Variants in INTS1 observed in about 807,000 individuals in gnomAD.
INTS1 encodes integrator complex subunit 1.
In INTS1, 137 loss-of-function variants were observed where a neutral mutation model predicts 241.6. The observed-to-expected ratio is 0.57, with a 90% CI of 0.49 to 0.65. INTS1 has a LOEUF of 0.65. Ranked by LOEUF, INTS1 falls within the 30% of genes least tolerant of loss-of-function variation. INTS1 has a pLI of 0.00. For missense variants in INTS1, 3,073 were observed against 3,032.2 expected (o/e 1.01, Z -0.32); for synonymous variants, 1,692 against 1,337.8 (o/e 1.26, Z -5.78).
Position 1,499,444 on chromosome 7 carries a change from C to CCAG in INTS1, c.844+28_844+29insCTG, listed in dbSNP as rs1562521734. On this transcript the variant is annotated intron_variant, in intron 6 of 47. Coordinates refer to ENST00000404767, the MANE Select transcript of INTS1 (RefSeq NM_001080453.3). ...TCCCCTGCCCTGGGGCTTGGACACCCGCCCTCTCTGGCTGGCCGTGTGTCT... is the reference window on the plus strand; with the variant it reads ...TCCCCTGCCCTGGGGCTTGGACACCCCAGGCCCTCTCTGGCTGGCCGTGTGTCT... 3 of 1,574,798 alleles carry CCAG rather than the reference C, an allele frequency of 1.9e-6. No homozygotes were observed. The East Asian group carries it at 6.8e-5, about 36-fold the overall frequency.
chr7:1,489,415 G>A lies in INTS1; in HGVS notation c.2258-11C>T, dbSNP rs370686389. On this transcript the variant is annotated splice_polypyrimidine_tract_variant and intron_variant, in intron 17 of 47. Transcript: ENST00000404767. ...CCCACGCAGCCAGGCCTAGGGAACC[G>A]GAGGGTGTGGGGCTGGCCAGGCTCC... The A allele has an allele frequency of 7.9e-5, 126 of 1,603,116 alleles. No homozygotes were observed. Among genetic ancestry groups the A allele is most frequent in the Admixed American group, 5.8e-4 (34 of 58,590 alleles).
chr7:1,498,381 T>C (rs1424923121), intron 10 of INTS1, 31 bp downstream of exon 10: 25 of 1,611,904 alleles, frequency 1.6e-5, no homozygotes, highest in East Asian at 2.2e-5. Flanking sequence ...TATTCCGGCG[T>C]GGAGGGCAAG....
At chr7:1,475,645 C>T (rs1186494588) in intron 39 of INTS1, among the ~76,000 whole-genome samples, 1 of 152,208 alleles carries the variant, frequency 6.6e-6, no homozygotes, top group Non-Finnish European at 1.5e-5. Context: ...CTGCCCCAAA[C>T]TGAACGTGAC....
Position 1,487,813 on chromosome 7 carries a change from G to T in INTS1, c.2463C>A (p.Thr821=), listed in dbSNP as rs1380576600. Residue 821 remains threonine (T), a synonymous_variant, in exon 19 of 48, where the codon ACC becomes ACA. Coordinates refer to ENST00000404767, the MANE Select transcript of INTS1 (RefSeq NM_001080453.3). ...GGAGGAGGCTGCTGCTCTCAGTGAT[G>T]GTCTGCTTGGTGGACGCGGCCGCCA... ...GHLAAASTKQ[T]ITESSSLLLS... 6.2e-7 allele frequency: 1 copy of T among 1,612,462 alleles called. No homozygotes were observed. Among genetic ancestry groups the T allele is most frequent in the Non-Finnish European group, 8.5e-7 (1 of 1,179,844 alleles).
rs1261159945 is a variant in INTS1, at chr7:1,497,158, A to G, written c.1582T>C (p.Tyr528His). 1 of 1,607,634 alleles carries G rather than the reference A, an allele frequency of 6.2e-7. No individual in the cohort carries two copies. The highest frequency in any genetic ancestry group is 8.5e-7 in the Non-Finnish European group (1 of 1,177,844). ...GLMQERKEPQ[Y>H]LEMEFKERFV... ...GGCACCTTGAACTCCATCTCCAGGT[A>G]CTGCGGCTCCTTGCGCTCCTGCATG... Residue 528 changes from tyrosine (Y) to histidine (H), a missense_variant, in exon 11 of 48, where the codon TAC becomes CAC. By Grantham distance (83) the Tyr-to-His change is moderately conservative. Transcript: ENST00000404767. The surrounding 1 kb of genome is among the most constrained non-coding windows in gnomAD (Gnocchi z 5.3).
chr7:1,484,058 GAGA>G lies in INTS1; in HGVS notation c.3371_3373del (p.Phe1124del). 1.2e-6 allele frequency: 2 copies of G among 1,612,468 alleles called. No homozygotes were observed. The highest frequency in any genetic ancestry group is 1.7e-6 in the Non-Finnish European group (2 of 1,179,728). The stretch of plus-strand genomic sequence containing the variant: ...CTGCCGCATGCGCCTCACGTAGCGT[GAGA>G]AGATGGACAACAGAGCGCTCAGCAC... On this transcript the variant is annotated inframe_deletion, in exon 25 of 48. Coordinates refer to ENST00000404767, the MANE Select transcript of INTS1 (RefSeq NM_001080453.3).
chr7:1,480,943 G>A lies in INTS1; in HGVS notation c.3851-10C>T, dbSNP rs753365826. 1.8e-5 allele frequency: 29 copies of A among 1,577,274 alleles called. No homozygotes were observed. The highest frequency in any genetic ancestry group is 3.5e-5 in the South Asian group (3 of 86,280). ...AGGTGGGCCATGTAATCTGCAAACC[G>A]TAGCAGGGTCACACCTGGGCGCGGC... is the stretch of plus-strand genomic sequence containing the variant. On this transcript the variant is annotated splice_polypyrimidine_tract_variant and intron_variant, in intron 28 of 47. Transcript: ENST00000404767.
chr7:1,503,799 C>T (rs56141745), intron 2 of INTS1, 104 bp downstream of exon 2: 50,405 of 812,564 alleles, frequency 0.062, 1,914 homozygotes, highest in Non-Finnish European at 0.07. Flanking sequence ...GCCGCGGCTG[C>T]GGAACAACCA....
chr7:1,489,382 G>C lies in INTS1; in HGVS notation c.2280C>G (p.Tyr760Ter). 9.2e-7 allele frequency: 1 copy of C among 1,088,592 alleles called. No individual in the cohort carries two copies. Among genetic ancestry groups the C allele is most frequent in the Non-Finnish European group, 1.1e-6 (1 of 895,748 alleles). 67.4% of individuals were successfully genotyped at this position (1,088,592 alleles called of 1,614,324 possible). ...ENIGLAAWEEYPTLKMLMEMV... is the reference protein window; with the variant it reads ...ENIGLAAWEE ...TCTCCATGAGCATCTTCAGGGTCGG[G>C]TACTCCTCCCACGCAGCCAGGCCTA... The change falls in exon 18 of 48, where the codon TAC becomes TAG. Residue 760 changes from tyrosine (Y) to a stop codon, truncating the protein, a stop_gained. Coordinates refer to ENST00000404767, the MANE Select transcript of INTS1 (RefSeq NM_001080453.3). LOFTEE classifies it high-confidence loss of function.
rs1285336933 is a variant in INTS1 at position 1,482,583 on chromosome 7, G to T, written c.3666C>A (p.Arg1222=). The T allele has an allele frequency of 3.1e-6, 5 of 1,612,698 alleles. No homozygotes were observed. The African/African-American group carries it at 6.7e-5, about 22-fold the overall frequency. ...GGCGGAGCACCTCAGAACGGATCATGCGCAGCTTCAGCCAGTCAGGAAGCA... is the reference window on the plus strand; with the variant it reads ...GGCGGAGCACCTCAGAACGGATCATTCGCAGCTTCAGCCAGTCAGGAAGCA... The part of the protein sequence containing the change: ...ALLLPDWLKL[R]MIRSEVLRLV... The change falls in exon 27 of 48, where the codon CGC becomes CGA. Residue 1222 remains arginine (R), a synonymous_variant. Coordinates refer to ENST00000404767, the MANE Select transcript of INTS1 (RefSeq NM_001080453.3).
chr7:1,496,252 C>T lies in INTS1; in HGVS notation c.1615G>A (p.Val539Met). 6.2e-7 allele frequency: 1 copy of T among 1,613,702 alleles called. No homozygotes were observed. The highest frequency in any genetic ancestry group is 8.5e-7 in the Non-Finnish European group (1 of 1,179,778). ...LEMEFKERFV[V>M]HITDVLAVSM... Reference sequence around the variant, plus strand: ...ACGGCCAGGACGTCGGTGATGTGCACCACGAAGCGCTCCTGCAGGTGCAGC... The same window carrying T: ...ACGGCCAGGACGTCGGTGATGTGCATCACGAAGCGCTCCTGCAGGTGCAGC... Residue 539 changes from valine (V) to methionine (M), a missense_variant, in exon 12 of 48, where the codon GTG becomes ATG. Physicochemically the swap from Val to Met is conservative, Grantham distance 21. Coordinates refer to ENST00000404767, the MANE Select transcript of INTS1 (RefSeq NM_001080453.3).
Position 1,483,866 on chromosome 7 carries a change from A to C in INTS1, c.3430-13T>G. The C allele has an allele frequency of 6.2e-7, 1 of 1,604,428 alleles. No individual in the cohort carries two copies. The highest frequency in any genetic ancestry group is 2.2e-5 in the East Asian group (1 of 44,592). On this transcript the variant is annotated splice_polypyrimidine_tract_variant and intron_variant, in intron 25 of 47. Coordinates refer to ENST00000404767, the MANE Select transcript of INTS1 (RefSeq NM_001080453.3). ...CCTGAGACTCCGACTGTGGGAAAAG[A>C]GGTGGAGTCAGGCCGTAAGGTTCAG...
At chr7:1,486,880 C>CG in intron 21 of INTS1, 42 bp downstream of exon 21, 1 of 964,230 alleles carries the variant, frequency 1.0e-6, no homozygotes, top group South Asian at 1.4e-5. Flanking sequence ...GACAGGGGTG[C>CG]GGGGTGAGAG....
Position 1,500,286 on chromosome 7 carries a change from C to G in INTS1, c.430G>C (p.Gly144Arg). Residue 144 changes from glycine (G) to arginine (R), a missense_variant, in exon 4 of 48, where the codon GGG becomes CGG. Transcript: ENST00000404767. The stretch of plus-strand genomic sequence containing the variant: ...GTGACCTTCAGCTGCTTCACGGCCC[C>G]GCACAGCACGCCCTCGATCCTGTCA... Reference protein sequence around the residue: ...NDDRIEGVLCGAVKQLKVTRA... With the variant: ...NDDRIEGVLCRAVKQLKVTRA... 6.3e-7 allele frequency: 1 copy of G among 1,595,972 alleles called. No homozygotes were observed. Among genetic ancestry groups the G allele is most frequent in the Non-Finnish European group, 8.5e-7 (1 of 1,170,714 alleles).
intron 43 of INTS1, among the ~76,000 whole-genome samples, 172 bp downstream of exon 43, chr7:1,472,900 T>G (rs1317155240): frequency 2.6e-5 from 4 of 152,132 alleles, no homozygotes; most frequent in Non-Finnish European, 5.9e-5. Context: ...CAGGCACCAG[T>G]CAGTGCTTCG....
In INTS1 at chr7:1,476,451, C is replaced by T. The variant is rs1193344368; in HGVS notation, c.5156G>A (p.Arg1719Gln). ...QGRDQRTPQK[R>Q]REELVLRVQG... is the part of the protein sequence containing the mutation. ...GACCCGCAGCACCAGCTCCTCCCGC[C>T]GCTTCTGTAACGGGTGCCTGCATCA... The change falls in exon 38 of 48, where the codon CGG becomes CAG. Residue 1719 changes from arginine (R) to glutamine (Q), a missense_variant. Arg to Gln is a conservative substitution (Grantham distance 43). Coordinates refer to ENST00000404767, the MANE Select transcript of INTS1 (RefSeq NM_001080453.3). 2.0e-5 allele frequency: 31 copies of T among 1,571,550 alleles called. No homozygotes were observed. Among genetic ancestry groups the T allele is most frequent in the Non-Finnish European group, 2.6e-5 (30 of 1,163,014 alleles).
At position 1,503,279 on chromosome 7, in the gene INTS1, G is replaced by A. The variant is rs145176260; in HGVS notation, c.59-88C>T. 2.7e-3 allele frequency: 3,761 copies of A among 1,379,874 alleles called. 63 individuals carry two copies. In the African/African-American group the frequency reaches 0.041, roughly 15 times the overall value. The allele number at this position is 1,379,874 out of a possible 1,614,324, so 85.5% of individuals were successfully genotyped here. A position where few individuals can be genotyped will look rare whatever the true frequency, so the allele number is the denominator to read the frequency against. On this transcript the variant is annotated intron_variant, in intron 2 of 47. Coordinates refer to ENST00000404767, the MANE Select transcript of INTS1 (RefSeq NM_001080453.3). ...CTCTAACCTCCTGTTATGTCAGAGG[G>A]GATTAAACAAGGGTCAGAGGAGGCA...
chr7:1,471,158 G>A lies in INTS1; in HGVS notation c.6322C>T (p.Leu2108=), dbSNP rs752221459. 1.7e-5 allele frequency: 27 copies of A among 1,578,996 alleles called. No individual in the cohort carries two copies. Among genetic ancestry groups the A allele is most frequent in the South Asian group, 1.6e-4 (14 of 86,036 alleles). Residue 2108 remains leucine (L), a synonymous_variant, in exon 46 of 48, where the codon CTG becomes TTG. Coordinates refer to ENST00000404767, the MANE Select transcript of INTS1 (RefSeq NM_001080453.3). The part of the protein sequence containing the change: ...CCRNLAFSLA[L]RSMQNSPSIA... ...CTGGGGCTGTTCTGCATGGAGCGCA[G>A]GGCCAGGCTGAAGGCGAGGTTGCGG...
chr7:1,493,399 G>A lies in INTS1; in HGVS notation c.2069-293C>T, dbSNP rs1782680569. On this transcript the variant is annotated intron_variant, in intron 15 of 47. Coordinates refer to ENST00000404767, the MANE Select transcript of INTS1 (RefSeq NM_001080453.3). This position sits in a 1 kb window ranked among gnomAD's most constrained non-coding sequence, Gnocchi z 5.3. ...CAGGGTGGGGACCCGCAAGCCCTCG[G>A]GGCAGAGCCACGGACGAGGCGCGAG... Among the ~76,000 whole-genome samples the A allele has an allele frequency of 6.6e-6, 1 of 152,154 alleles. No individual in the cohort carries two copies. The highest frequency in any genetic ancestry group is 1.5e-5 in the Non-Finnish European group (1 of 68,016).
Sources: gnomAD v4.1 joint callset for allele counts (sites outside exome capture counted in the v4.1 genomes callset) on GRCh38, gnomAD v4.1.1 for gene constraint, Gnocchi (gnomAD v3.1) non-coding constraint, MANE v1.5 for transcripts, NCBI Gene and HGNC (gene_info 2026-07-23, HGNC 2026-07-21) for gene names.